CERKL: variants seen among roughly 807,000 people sequenced by gnomAD.
CERKL encodes CERK like autophagy regulator, also known as ceramide kinase-like protein.
CERKL carries 61 observed loss-of-function variants against 63.4 expected under a neutral mutation model. That is an observed-to-expected ratio of 0.96 (90% confidence interval 0.78 to 1.19). The LOEUF (loss-of-function observed/expected upper bound fraction) is 1.19, where lower values mean the gene tolerates loss of function less well. CERKL is among the 50% of genes most tolerant of loss of function. CERKL has a pLI of 0.00. For synonymous variants in CERKL, 250 were observed against 230.5 expected, an observed-to-expected ratio of 1.08 and a Z score of -0.77; for missense variants, 675 against 655.5, an observed-to-expected ratio of 1.03 and a Z score of -0.33.
intron 2 of CERKL, among the ~76,000 whole-genome samples, chr2:181,575,442 A>G (rs1689091701): frequency 6.6e-6 from 1 of 152,216 alleles, no homozygotes; most frequent in African/African-American, 2.4e-5. Flanking sequence ...AGGAAGATGT[A>G]TCCACAAATA....
intron 1 of CERKL, among the ~76,000 whole-genome samples, chr2:181,605,508 T>C (rs1394751381): frequency 1.3e-5 from 2 of 152,192 alleles, no homozygotes; most frequent in Non-Finnish European, 2.9e-5. Flanking sequence ...GGTAAGTATT[T>C]AGAAGAGTAT....
At chr2:181,631,253 A>G (rs1686942555) in intron 1 of CERKL, among the ~76,000 whole-genome samples, 1 of 152,182 alleles carries the variant, frequency 6.6e-6, no homozygotes, top group African/African-American at 2.4e-5. Flanking sequence ...TTTCTTCATT[A>G]CTTTTTAAAA....
At chr2:181,623,141 T>C (rs975690046) in intron 1 of CERKL, among the ~76,000 whole-genome samples, 4 of 152,212 alleles carry the variant, frequency 2.6e-5, no homozygotes, top group African/African-American at 9.6e-5. Flanking sequence ...TTAAAATGAA[T>C]GTAGTAAAAA....
At chr2:181,644,834 C>G (rs1431970913) in intron 1 of CERKL, among the ~76,000 whole-genome samples, 2 of 151,954 alleles carry the variant, frequency 1.3e-5, no homozygotes, top group Non-Finnish European at 2.9e-5. Context: ...TAAAAAAAAG[C>G]ACAAAGGAAG....
chr2:181,558,623 T>C lies in CERKL; in HGVS notation c.763A>G (p.Thr255Ala), dbSNP rs541121385. ...LRAQKNAGME[T>A]DRILTPVRAQ... ...CTGACAGGAGTCAGGATTCGGTCTG[T>C]TTCCATCCCAGCATTCTTCTGAGCT... Residue 255 changes from threonine to alanine, a missense_variant, in exon 5 of 13, where the codon ACA becomes GCA. Thr to Ala is a moderately conservative substitution (Grantham distance 58). Transcript: ENST00000410087. The surrounding 1 kb of genome is among the most constrained non-coding windows in gnomAD (Gnocchi z 4.2). 1.2e-6 allele frequency: 2 copies of C among 1,613,790 alleles called. No homozygotes were observed. The highest frequency in any genetic ancestry group is 3.3e-5 in the Admixed American group (2 of 59,958).
chr2:181,573,539 G>GA (rs1203098285), intron 3 of CERKL, among the ~76,000 whole-genome samples: 1 of 151,716 alleles, frequency 6.6e-6, no homozygotes, highest in African/African-American at 2.4e-5. Context: ...AAAAATATCT[G>GA]AAAAAATTCT....
intron 10 of CERKL, 75 bp downstream of exon 10, chr2:181,547,543 C>A: frequency 2.6e-6 from 3 of 1,139,542 alleles, no homozygotes; most frequent in Non-Finnish European, 4.0e-6. Context: ...AGCTAACCAA[C>A]AGTTAATTGG....
intron 3 of CERKL, among the ~76,000 whole-genome samples, chr2:181,570,712 G>A (rs546735650): frequency 6.6e-6 from 1 of 152,224 alleles, no homozygotes; most frequent in Non-Finnish European, 1.5e-5. Context: ...CAAAATGAAA[G>A]AAGTGTGTTT....
intron 2 of CERKL, among the ~76,000 whole-genome samples, chr2:181,602,195 G>A (rs1574487821): frequency 6.6e-6 from 1 of 152,138 alleles, no homozygotes; most frequent in Non-Finnish European, 1.5e-5. Flanking sequence ...GAGATATATT[G>A]AGGAAGTTGC....
chr2:181,565,945 GTACA>G (rs1688647889), intron 4 of CERKL, 109 bp downstream of exon 4: 3 of 730,398 alleles, frequency 4.1e-6, no homozygotes, highest in Non-Finnish European at 7.3e-6. Context: ...TAGAGCCAAA[GTACA>G]TACACTACAA....
intron 5 of CERKL, among the ~76,000 whole-genome samples, chr2:181,557,185 T>C (rs1386130211): frequency 6.6e-6 from 1 of 152,204 alleles, no homozygotes; most frequent in East Asian, 1.9e-4. Flanking sequence ...TCCCTTTCTG[T>C]AGGTTGCCTG....
intron 2 of CERKL, among the ~76,000 whole-genome samples, chr2:181,577,810 C>T (rs1197544298): frequency 6.6e-6 from 1 of 152,032 alleles, no homozygotes; most frequent in Non-Finnish European, 1.5e-5. Flanking sequence ...GGGGTCTTGT[C>T]CCAAGCACAT....
At chr2:181,560,906 T>C (rs1688412160) in intron 4 of CERKL, among the ~76,000 whole-genome samples, 1 of 152,168 alleles carries the variant, frequency 6.6e-6, no homozygotes, top group East Asian at 1.9e-4. Flanking sequence ...ATTAAGATCA[T>C]GTTCAGGTAA....
chr2:181,583,391 T>C (rs1288464656), intron 2 of CERKL, among the ~76,000 whole-genome samples: 3 of 152,166 alleles, frequency 2.0e-5, no homozygotes, highest in African/African-American at 4.8e-5. Context: ...GCCTCATGAA[T>C]AGTGAAATAG....
At chr2:181,577,327 G>T (rs1255930530) in intron 2 of CERKL, among the ~76,000 whole-genome samples, 1 of 152,202 alleles carries the variant, frequency 6.6e-6, no homozygotes, top group Non-Finnish European at 1.5e-5. Flanking sequence ...GTGCCAGCTA[G>T]AGGTATCTAA....
At chr2:181,578,153 T>C (rs532367437) in intron 2 of CERKL, among the ~76,000 whole-genome samples, 1 of 152,228 alleles carries the variant, frequency 6.6e-6, no homozygotes, top group East Asian at 1.9e-4. Flanking sequence ...ACTTTGAGAA[T>C]CCTTCTAGAA....
intron 1 of CERKL, among the ~76,000 whole-genome samples, chr2:181,606,175 GAAGGAAAGAAGAAA>G (rs1283473379): frequency 6.9e-6 from 1 of 145,052 alleles, no homozygotes; most frequent in African/African-American, 2.6e-5. Flanking sequence ...GGGAAGACAG[GAAGGAAAGAAGAAA>G]AAGGAAAGAA....
intron 5 of CERKL, among the ~76,000 whole-genome samples, chr2:181,556,715 T>G (rs1688222688): frequency 6.6e-6 from 1 of 152,228 alleles, no homozygotes; most frequent in South Asian, 2.1e-4. Flanking sequence ...TGTGTGTATG[T>G]GCCTTTATAG....
chr2:181,577,387 T>C (rs1364274253), intron 2 of CERKL, among the ~76,000 whole-genome samples: 1 of 152,106 alleles, frequency 6.6e-6, no homozygotes, highest in Non-Finnish European at 1.5e-5. Flanking sequence ...AAAGGAATTA[T>C]GGTCTCAAAA....
Sources: gnomAD v4.1 joint callset for allele counts (sites outside exome capture counted in the v4.1 genomes callset) on GRCh38, gnomAD v4.1.1 for gene constraint, Gnocchi (gnomAD v3.1) non-coding constraint, MANE v1.5 for transcripts, NCBI Gene and HGNC (gene_info 2026-07-23, HGNC 2026-07-21) for gene names.